The following NAALADL2 variants were observed in gnomAD, a reference collection of about 807,000 sequenced individuals.
NAALADL2 encodes inactive N-acetylated-alpha-linked acidic dipeptidase-like protein 2.
In NAALADL2, 76 loss-of-function variants were observed where a neutral mutation model predicts 87.2. The observed-to-expected ratio is 0.87, with a 90% CI of 0.72 to 1.05. The LOEUF is 1.05. NAALADL2 is among the 50% of genes least tolerant of loss of function. The pLI is 0.00. For missense variants in NAALADL2, 1,089 were observed against 945.8 expected (o/e 1.15, Z -1.99); for synonymous variants, 354 against 331.0 (o/e 1.07, Z -0.75).
At chr3:175,082,322 C>A (rs529619997) in intron 1 of NAALADL2, among the ~76,000 whole-genome samples, 1 of 152,084 alleles carries the variant, frequency 6.6e-6, no homozygotes, top group Non-Finnish European at 1.5e-5. Flanking sequence ...TTATTGGAGT[C>A]TGAAGTTTAT....
chr3:174,781,125 G>T (rs1011755568), intron 3 of NAALADL2, among the ~76,000 whole-genome samples: 21 of 152,156 alleles, frequency 1.4e-4, no homozygotes, highest in Admixed American at 1.2e-3. Flanking sequence ...CTTCTGGCTT[G>T]TAGGGTTTCT....
intron 1 of NAALADL2, among the ~76,000 whole-genome samples, chr3:174,908,119 T>G (rs530021833): frequency 6.6e-6 from 1 of 151,322 alleles, no homozygotes; most frequent in South Asian, 2.1e-4. Flanking sequence ...TAGTTTTATG[T>G]AATTGCATGG....
chr3:175,582,084 G>A (rs1199776636), intron 10 of NAALADL2, among the ~76,000 whole-genome samples: 1 of 152,118 alleles, frequency 6.6e-6, no homozygotes, highest in African/African-American at 2.4e-5. Flanking sequence ...CAAATCAACA[G>A]TTATAGAGCA....
At chr3:174,819,177 G>A (rs745618302) in intron 3 of NAALADL2, among the ~76,000 whole-genome samples, 20 of 134,334 alleles carry the variant, frequency 1.5e-4, no homozygotes, top group Non-Finnish European at 2.7e-4. Flanking sequence ...TGATCTTCTT[G>A]CCTTAGTCTC....
intron 2 of NAALADL2, among the ~76,000 whole-genome samples, chr3:175,102,147 G>A (rs963324299): frequency 1.3e-5 from 2 of 152,160 alleles, no homozygotes; most frequent in Non-Finnish European, 2.9e-5. Context: ...TTATATGGAT[G>A]TCATGTAATT....
chr3:174,987,191 A>G (rs1560445110), intron 1 of NAALADL2, among the ~76,000 whole-genome samples: 1 of 152,194 alleles, frequency 6.6e-6, no homozygotes. Context: ...AAAATAACCA[A>G]AAATATGTAC....
chr3:174,649,166 G>A (rs1254115090), intron 2 of NAALADL2, among the ~76,000 whole-genome samples: 24 of 151,760 alleles, frequency 1.6e-4, no homozygotes, highest in Admixed American at 1.5e-3. Context: ...GTTTCACCAT[G>A]TTGGCCAGGC....
intron 1 of NAALADL2, among the ~76,000 whole-genome samples, chr3:174,518,311 G>A (rs931898369): frequency 2.0e-5 from 3 of 152,150 alleles, no homozygotes; most frequent in South Asian, 2.1e-4. Context: ...ATCATTTAAC[G>A]ATTTGTCTTT....
At position 175,541,930 on chromosome 3, in the gene NAALADL2, A is replaced by T. The variant is rs6808267; in HGVS notation, c.1654-34111A>T. On this transcript the variant is annotated intron_variant, in intron 9 of 13. Transcript: ENST00000454872. ...GAGATGGGGTTTCACCATGTTGGCC[A>T]GGCTGTTCTCAAACTTAGCTTCAAG... 4.7e-3 allele frequency among the ~76,000 whole-genome samples: 721 copies of T among 152,060 alleles called. 1 individual carries two copies. Among genetic ancestry groups the T allele is most frequent in the Admixed American group, 9.0e-3 (137 of 15,276 alleles).
chr3:174,911,234 G>C (rs1733662541), intron 1 of NAALADL2, among the ~76,000 whole-genome samples: 1 of 152,102 alleles, frequency 6.6e-6, no homozygotes, highest in African/African-American at 2.4e-5. Flanking sequence ...TTGGATATGA[G>C]ACTAGGTTCT....
chr3:175,716,132 C>A (rs1037078675), intron 11 of NAALADL2, among the ~76,000 whole-genome samples: 1 of 145,004 alleles, frequency 6.9e-6, no homozygotes, highest in South Asian at 2.1e-4. Context: ...TATTGGAATA[C>A]ATAAGGAATA....
intron 10 of NAALADL2, among the ~76,000 whole-genome samples, chr3:175,600,569 G>A (rs374917838): frequency 2.8e-5 from 3 of 105,340 alleles, no homozygotes; most frequent in Admixed American, 1.6e-4. Flanking sequence ...ACGGAGTCTC[G>A]CTCTGTCGCC....
At chr3:175,638,799 A>G (rs1040496301) in intron 11 of NAALADL2, among the ~76,000 whole-genome samples, 3 of 152,190 alleles carry the variant, frequency 2.0e-5, no homozygotes, top group African/African-American at 7.2e-5. Flanking sequence ...AGGGATATTT[A>G]TACATTTTTA....
intron 2 of NAALADL2, among the ~76,000 whole-genome samples, chr3:175,141,781 T>G (rs1265348964): frequency 6.6e-6 from 1 of 152,110 alleles, no homozygotes; most frequent in African/African-American, 2.4e-5. Flanking sequence ...GCTAAATGTT[T>G]AATGGCTTAA....
At chr3:174,775,305 A>G (rs1054628150) in intron 3 of NAALADL2, among the ~76,000 whole-genome samples, 4 of 151,746 alleles carry the variant, frequency 2.6e-5, no homozygotes, top group African/African-American at 7.3e-5. Flanking sequence ...CCATCTCCTC[A>G]TAACTCTAGC....
intron 1 of NAALADL2, among the ~76,000 whole-genome samples, chr3:174,904,958 T>G (rs976924800): frequency 6.8e-6 from 1 of 147,770 alleles, no homozygotes; most frequent in African/African-American, 2.7e-5. Flanking sequence ...GCATTAAAAC[T>G]TTTTTGATCT....
intron 2 of NAALADL2, among the ~76,000 whole-genome samples, chr3:174,581,864 A>G (rs1716200254): frequency 6.6e-6 from 1 of 152,206 alleles, no homozygotes; most frequent in Non-Finnish European, 1.5e-5. Flanking sequence ...AAAAGTCAGT[A>G]TGGTGGATAC....
intron 3 of NAALADL2, among the ~76,000 whole-genome samples, chr3:174,803,376 C>A (rs1318581048): frequency 1.3e-5 from 2 of 152,060 alleles, no homozygotes; most frequent in African/African-American, 2.4e-5. Flanking sequence ...TAGGTATTAG[C>A]CCTTTGCCAG....
chr3:175,122,600 T>C (rs984049822), intron 2 of NAALADL2, among the ~76,000 whole-genome samples: 1 of 151,720 alleles, frequency 6.6e-6, no homozygotes, highest in Admixed American at 6.6e-5. Flanking sequence ...AGTATTAAAT[T>C]AGGTTATAAA....
Sources: allele counts gnomAD v4.1 joint callset (sites outside exome capture counted in the v4.1 genomes callset), GRCh38; gene constraint gnomAD v4.1.1; transcripts MANE v1.5; gene names NCBI Gene and HGNC (gene_info 2026-07-23, HGNC 2026-07-21).